ABHD18: variants seen among roughly 807,000 people sequenced by gnomAD.
ABHD18 encodes abhydrolase domain containing 18, also known as cardiolipin-specific deacylase, mitochondrial.
ABHD18 carries 55 observed loss-of-function variants against 65.9 expected under a neutral mutation model. The observed-to-expected ratio is 0.84, with a 90% CI of 0.67 to 1.05. The LOEUF is 1.05. Ranked by LOEUF, ABHD18 falls within the 50% of genes least tolerant of loss-of-function variation. The pLI is 0.00. For missense variants in ABHD18, 533 were observed against 558.5 expected (o/e 0.95, Z 0.46); for synonymous variants, 181 against 180.2 (o/e 1.00, Z -0.04).
At chr4:127,971,007 G>A (rs1396488886) in intron 1 of ABHD18, among the ~76,000 whole-genome samples, 9 of 151,802 alleles carry the variant, frequency 5.9e-5, no homozygotes, top group South Asian at 2.1e-4. Flanking sequence ...CCTGGGAGGC[G>A]GAGTTTGCAG....
At chr4:127,972,805 A>T (rs1051614782) in intron 1 of ABHD18, among the ~76,000 whole-genome samples, 1 of 152,174 alleles carries the variant, frequency 6.6e-6, no homozygotes, top group Non-Finnish European at 1.5e-5. Flanking sequence ...TTGTAATTGC[A>T]CTAAAGTAGA....
chr4:127,987,715 A>AT lies in ABHD18; in HGVS notation c.178-2006_178-2005insT, dbSNP rs532145446. Among the ~76,000 whole-genome samples, 393 of 151,886 alleles carry AT rather than the reference A, an allele frequency of 2.6e-3. 3 individuals carry two copies. The Middle Eastern group carries it at 0.031, about 12-fold the overall frequency. On this transcript the variant is annotated intron_variant, in intron 3 of 12. Coordinates refer to ENST00000645843, the MANE Select transcript of ABHD18 (RefSeq NM_001358451.3). ...GTGACAGAGCAAGACTCAAAAAAAA[A>AT]AAATAAATAAATAAAAATAAATACA...
Position 128,014,784 on chromosome 4 carries a change from T to TA in ABHD18, c.471-2568dup, listed in dbSNP as rs112670702. Among the ~76,000 whole-genome samples the TA allele has an allele frequency of 3.4e-3, 483 of 143,356 alleles. 4 individuals are homozygous for TA. The highest frequency in any genetic ancestry group is 8.4e-3 in the African/African-American group (331 of 39,586). The allele number at this position is 143,356 out of a possible 152,430, so 94.0% of individuals were successfully genotyped here. A position where few individuals can be genotyped will look rare whatever the true frequency, so the allele number is the denominator to read the frequency against. On this transcript the variant is annotated intron_variant, in intron 7 of 12. Coordinates refer to ENST00000645843, the MANE Select transcript of ABHD18 (RefSeq NM_001358451.3). ...CTCTACAAAATATACCCCCCGCCCC[T>TA]AAAAAAAAAAATGGCCAGGTGCAGT...
chr4:127,979,448 G>C (rs560286601), intron 1 of ABHD18, among the ~76,000 whole-genome samples: 15 of 152,108 alleles, frequency 9.9e-5, no homozygotes, highest in Non-Finnish European at 2.1e-4. Flanking sequence ...CCAGCTACTC[G>C]GGAGGCTGAG....
At position 128,028,530 on chromosome 4, in the gene ABHD18, A is replaced by T. The variant is rs756577253; in HGVS notation, c.857A>T (p.Asp286Val). ...EFVKHFTSSA[D>V]KLTNLNLVSR... ...GTGAAACACTTCACTAGCAGTGCAG[A>T]CAAGCTAACTAACCTTAATCTGGTT... The change falls in exon 11 of 13, where the codon GAC (aspartate) becomes GTC (valine). Residue 286 changes from aspartate (D) to valine (V), a missense_variant. This residue lies in a region of ABHD18 where 220 missense variants were observed against 226.8 expected (regional missense o/e 0.97). Transcript: ENST00000645843. The T allele has an allele frequency of 1.7e-5, 28 of 1,608,652 alleles. No homozygotes were observed. The East Asian group carries it at 6.2e-4, about 36-fold the overall frequency.
chr4:127,974,288 C>G (rs1398516873), intron 1 of ABHD18, among the ~76,000 whole-genome samples: 2 of 148,484 alleles, frequency 1.3e-5, no homozygotes, highest in Admixed American at 6.8e-5. Context: ...ACCTCACTCT[C>G]CTGGGCTCAA....
Position 128,035,877 on chromosome 4 carries a change from G to T in ABHD18, c.*64G>T. On this transcript the variant is annotated 3_prime_UTR_variant, in exon 13 of 13. Coordinates refer to ENST00000645843, the MANE Select transcript of ABHD18 (RefSeq NM_001358451.3). ...CTTACAAAAGGGAGCTTCATCCTGTGATCATGTGAAGGACAAGCAGACAGC... is the reference window on the plus strand; with the variant it reads ...CTTACAAAAGGGAGCTTCATCCTGTTATCATGTGAAGGACAAGCAGACAGC... 7 of 1,046,168 alleles carry T rather than the reference G, an allele frequency of 6.7e-6. No homozygotes were observed. Among genetic ancestry groups the T allele is most frequent in the South Asian group, 1.7e-5 (1 of 60,346 alleles). The allele number at this position is 1,046,168 out of a possible 1,614,324, so 64.8% of individuals were successfully genotyped here. A position where few individuals can be genotyped will look rare whatever the true frequency, so the allele number is the denominator to read the frequency against.
At chr4:128,014,442 A>C (rs1755134260) in intron 7 of ABHD18, among the ~76,000 whole-genome samples, 1 of 152,182 alleles carries the variant, frequency 6.6e-6, no homozygotes. Context: ...ATACAGGCAT[A>C]GGTTGGAATT....
At position 128,011,814 on chromosome 4, in the gene ABHD18, G is replaced by T. The variant is rs747491673; in HGVS notation, c.470+114G>T. 4 of 455,856 alleles carry T rather than the reference G, an allele frequency of 8.8e-6. 1 individual carries two copies. The East Asian group carries it at 1.6e-4, about 18-fold the overall frequency. The allele number at this position is 455,856 out of a possible 1,614,324, so 28.2% of individuals were successfully genotyped here. ...AAATTGAATACCTAAATATTATGGG[G>T]GGGGGGAGTTCTGTTATGAAACTGT... On this transcript the variant is annotated intron_variant, in intron 7 of 12. Transcript: ENST00000645843.
intron 8 of ABHD18, 80 bp from the exon 9 acceptor site, chr4:128,020,000 G>A (rs769408339): frequency 5.0e-5 from 46 of 911,004 alleles, no homozygotes; most frequent in Admixed American, 9.5e-5. Flanking sequence ...TTTACTGCAC[G>A]GAATGCTTAT....
chr4:128,028,617 A>G lies in ABHD18; in HGVS notation c.944A>G (p.His315Arg), dbSNP rs769601961. 1 of 1,613,978 alleles carries G rather than the reference A, an allele frequency of 6.2e-7. No homozygotes were observed. The highest frequency in any genetic ancestry group is 1.1e-5 in the South Asian group (1 of 91,080). ...GTATCCCAAAAACCTGCTGACTGCC[A>G]TAATTCTAGCAAAACATCTGTCAGT... ...QVVSQKPADCHNSSKTSVSAT... is the reference protein window; with the variant it reads ...QVVSQKPADCRNSSKTSVSAT... The change falls in exon 11 of 13, where the codon CAT becomes CGT. Residue 315 changes from histidine to arginine, a missense_variant. Transcript: ENST00000645843.
chr4:128,034,235 G>T lies in ABHD18; in HGVS notation c.1344-1527G>T, dbSNP rs566702895. On this transcript the variant is annotated intron_variant, in intron 12 of 12. Coordinates refer to ENST00000645843, the MANE Select transcript of ABHD18 (RefSeq NM_001358451.3). ...GCCTTCCAAAGTGCTGGGATTACAG[G>T]CGTAAGCCACCGCGCCTGGCCTAGA... Among the ~76,000 whole-genome samples, 43 of 152,216 alleles carry T rather than the reference G, an allele frequency of 2.8e-4. No individual in the cohort carries two copies. In the South Asian group the frequency reaches 8.5e-3, roughly 30 times the overall value.
chr4:127,980,825 CAAAAAAAAAAAAA>C (rs768450115), intron 1 of ABHD18, among the ~76,000 whole-genome samples: 3 of 46,538 alleles, frequency 6.4e-5, no homozygotes, highest in Admixed American at 4.4e-4. Context: ...GACTGCATCT[CAAAAAAAAAAAAA>C]AAAAAAAAAG....
chr4:127,990,840 A>C (rs1335171894), intron 4 of ABHD18, among the ~76,000 whole-genome samples: 2 of 152,088 alleles, frequency 1.3e-5, no homozygotes, highest in Non-Finnish European at 2.9e-5. Context: ...TAATGTACAG[A>C]GGTTATTCTT....
chr4:127,998,281 C>CTTTTTTT (rs993883974), intron 4 of ABHD18, among the ~76,000 whole-genome samples: 22 of 119,856 alleles, frequency 1.8e-4, no homozygotes, highest in South Asian at 2.9e-4. Flanking sequence ...CAAGACGTTT[C>CTTTTTTT]TTTTTTTTTT....
chr4:127,989,934 A>G (rs913930049), intron 4 of ABHD18, 113 bp downstream of exon 4: 32 of 584,264 alleles, frequency 5.5e-5, no homozygotes, highest in Non-Finnish European at 8.1e-5. Context: ...TAAATTATTG[A>G]AAAGGCTGAA....
chr4:128,001,413 C>T (rs867989047), intron 4 of ABHD18, among the ~76,000 whole-genome samples: 9 of 152,118 alleles, frequency 5.9e-5, no homozygotes, highest in Admixed American at 6.6e-5. Context: ...TTTTGTAAGT[C>T]TGTTTATGTG....
chr4:128,007,739 CAAAA>C (rs57540305), intron 4 of ABHD18, among the ~76,000 whole-genome samples: 1 of 114,122 alleles, frequency 8.8e-6, no homozygotes, highest in Admixed American at 9.0e-5. Flanking sequence ...ACCCTGTCTC[CAAAA>C]AAAAAAAAAA....
chr4:128,011,769 G>A, intron 7 of ABHD18, 69 bp downstream of exon 7: 2 of 1,102,534 alleles, frequency 1.8e-6, no homozygotes, highest in Non-Finnish European at 2.4e-6. Flanking sequence ...AATTTTGGTT[G>A]CCTTCAGTTA....
Sources: allele counts gnomAD v4.1 joint callset (sites outside exome capture counted in the v4.1 genomes callset), GRCh38; gene constraint gnomAD v4.1.1; regional missense constraint gnomAD v4.1.1; transcripts MANE v1.5; gene names NCBI Gene and HGNC (gene_info 2026-07-23, HGNC 2026-07-21).